The following CFAP58 variants were observed in gnomAD, a reference collection of about 807,000 sequenced individuals.
CFAP58 encodes cilia- and flagella-associated protein 58.
A neutral mutation model predicts 119.5 loss-of-function variants in CFAP58; 88 were observed. That is an observed-to-expected ratio of 0.74 (90% CI 0.62 to 0.88). The LOEUF (loss-of-function observed/expected upper bound fraction) is 0.88, where lower values mean the gene tolerates loss of function less well. Among genes scored for constraint, CFAP58 ranks in the 40% least tolerant of loss-of-function variants. The pLI, the probability that CFAP58 is intolerant of heterozygous loss-of-function variation, is 0.00. For synonymous variants in CFAP58, 365 were observed against 366.3 expected, an observed-to-expected ratio of 1.00 and a Z score of 0.04; for missense variants, 990 against 1,021.2, an observed-to-expected ratio of 0.97 and a Z score of 0.42.
At chr10:104,406,653 G>T in intron 14 of CFAP58, 36 bp from the exon 15 acceptor site, 2 of 1,532,786 alleles carry the variant, frequency 1.3e-6, no homozygotes, top group East Asian at 2.2e-5. Context: ...TGAAGCTGAT[G>T]ATATCTCAGC....
intron 1 of CFAP58, among the ~76,000 whole-genome samples, chr10:104,358,051 A>C (rs147507128): frequency 6.7e-6 from 1 of 149,650 alleles, no homozygotes; most frequent in African/African-American, 2.5e-5. Flanking sequence ...ATACACACAT[A>C]TATGTACATA....
At chr10:104,421,195 C>A (rs997792744) in intron 15 of CFAP58, among the ~76,000 whole-genome samples, 1 of 152,090 alleles carries the variant, frequency 6.6e-6, no homozygotes, top group Non-Finnish European at 1.5e-5. Flanking sequence ...AGATATGGAA[C>A]CTCAGCACTC....
intron 2 of CFAP58, among the ~76,000 whole-genome samples, chr10:104,360,220 T>C (rs571916438): frequency 2.0e-5 from 3 of 152,332 alleles, no homozygotes; most frequent in African/African-American, 7.2e-5. Context: ...AGTTAAGTAG[T>C]GGCCTAAAAC....
intron 6 of CFAP58, among the ~76,000 whole-genome samples, chr10:104,369,023 A>G (rs538381027): frequency 4.4e-4 from 67 of 152,350 alleles, no homozygotes; most frequent in African/African-American, 1.6e-3. Flanking sequence ...ATTTTGAGAC[A>G]GATTTCCTAT....
intron 11 of CFAP58, among the ~76,000 whole-genome samples, chr10:104,399,148 T>C (rs1009460718): frequency 1.3e-5 from 2 of 151,438 alleles, no homozygotes; most frequent in African/African-American, 4.9e-5. Context: ...ACATGATGAC[T>C]GTAATGTGCA....
chr10:104,453,066 A>G (rs1278131677), intron 17 of CFAP58, among the ~76,000 whole-genome samples: 1 of 152,230 alleles, frequency 6.6e-6, no homozygotes, highest in Non-Finnish European at 1.5e-5. Context: ...TAAAGGAGAC[A>G]GTATTCCCAT....
At chr10:104,445,820 C>T (rs1052344667) in intron 15 of CFAP58, among the ~76,000 whole-genome samples, 4 of 152,214 alleles carry the variant, frequency 2.6e-5, no homozygotes, top group Non-Finnish European at 5.9e-5. Flanking sequence ...TTCTTTCAAA[C>T]TTTCTTCTCT....
At chr10:104,441,856 A>C (rs2013041425) in intron 15 of CFAP58, among the ~76,000 whole-genome samples, 1 of 152,248 alleles carries the variant, frequency 6.6e-6, no homozygotes, top group Non-Finnish European at 1.5e-5. Flanking sequence ...ATGACATCAT[A>C]AACAAGATAG....
intron 6 of CFAP58, 135 bp from the exon 7 acceptor site, chr10:104,370,760 C>T: frequency 1.4e-6 from 1 of 704,414 alleles, no homozygotes; most frequent in Non-Finnish European, 2.2e-6. Flanking sequence ...ATTGTGTGTG[C>T]TTGATTTAAT....
intron 7 of CFAP58, among the ~76,000 whole-genome samples, chr10:104,373,718 C>A (rs1183543239): frequency 6.6e-6 from 1 of 151,624 alleles, no homozygotes; most frequent in African/African-American, 2.4e-5. Context: ...GAAGAATAAA[C>A]ATATGAAAAT....
chr10:104,401,146 G>GT (rs1432596906), intron 13 of CFAP58, among the ~76,000 whole-genome samples: 1 of 152,068 alleles, frequency 6.6e-6, no homozygotes, highest in South Asian at 2.1e-4. Context: ...GTGCAAAAAG[G>GT]TTTTTAAAAA....
At chr10:104,339,702 C>G in the CFAP58 span, among the ~76,000 whole-genome samples, 3 of 152,168 alleles carry the variant, frequency 2.0e-5, no homozygotes, top group Non-Finnish European at 2.9e-5. Flanking sequence ...TGGCCCTTGG[C>G]CCAGGGTACT....
chr10:104,400,917 G>C lies in CFAP58; in HGVS notation c.2039+14G>C. ...TGAAGAACTCAGGTAATAGATTATA[G>C]AACTCAGGGCTGAAGGCACAGTGCA... On this transcript the variant is annotated intron_variant, in intron 13 of 17. Coordinates refer to ENST00000369704, the MANE Select transcript of CFAP58 (RefSeq NM_001008723.2). 1.2e-5 allele frequency: 20 copies of C among 1,603,594 alleles called. No homozygotes were observed. Among genetic ancestry groups the C allele is most frequent in the Non-Finnish European group, 1.7e-5 (20 of 1,170,952 alleles).
intron 13 of CFAP58, 41 bp from the exon 14 acceptor site, chr10:104,403,688 G>A (rs770856937): frequency 3.8e-5 from 51 of 1,338,648 alleles, no homozygotes; most frequent in Middle Eastern, 2.5e-4. Flanking sequence ...ATATTCAAAC[G>A]GGTGGATAAT....
intron 11 of CFAP58, among the ~76,000 whole-genome samples, chr10:104,394,373 A>G (rs2133034790): frequency 6.6e-6 from 1 of 152,232 alleles, no homozygotes; most frequent in East Asian, 1.9e-4. Context: ...ACTTGCAGAA[A>G]CTGTTTACAA....
the CFAP58 span, among the ~76,000 whole-genome samples, chr10:104,342,197 T>G: frequency 6.6e-6 from 1 of 152,226 alleles, no homozygotes; most frequent in African/African-American, 2.4e-5. Context: ...CAAAGAGATC[T>G]CACCAATTTG....
intron 14 of CFAP58, among the ~76,000 whole-genome samples, chr10:104,405,707 A>T (rs1299815233): frequency 6.6e-6 from 1 of 152,250 alleles, no homozygotes; most frequent in African/African-American, 2.4e-5. Context: ...GCAGAAGTCC[A>T]CATCCTGGAA....
Position 104,399,500 on chromosome 10 carries a change from G to A in CFAP58, c.1815G>A (p.Gln605=). The A allele has an allele frequency of 1.2e-6, 2 of 1,613,224 alleles. No homozygotes were observed. Among genetic ancestry groups the A allele is most frequent in the Non-Finnish European group, 1.7e-6 (2 of 1,179,578 alleles). ...TGAGACAGAAGAAGGAATTAGACCA[G>A]GTAGAGCATCTCCTTGTCAGACTTG... is the stretch of plus-strand genomic sequence containing the variant. ...ERLRQKKELD[Q]VISERDILGS... is the part of the protein sequence containing the mutation. Residue 605 remains glutamine (Q), a splice_region_variant and synonymous_variant, in exon 12 of 18, where the codon CAG becomes CAA. Transcript: ENST00000369704.
At chr10:104,406,883 T>C in intron 15 of CFAP58, 90 bp downstream of exon 15, 1 of 964,834 alleles carries the variant, frequency 1.0e-6, no homozygotes, top group Non-Finnish European at 1.6e-6. Flanking sequence ...TTTGGCAGCA[T>C]TGCATGTCCT....
Sources: allele counts gnomAD v4.1 joint callset (sites outside exome capture counted in the v4.1 genomes callset), GRCh38; gene constraint gnomAD v4.1.1; transcripts MANE v1.5; gene names NCBI Gene and HGNC (gene_info 2026-07-23, HGNC 2026-07-21).